STAT4: variants seen among roughly 807,000 people sequenced by gnomAD.
STAT4 encodes the protein signal transducer and activator of transcription 4.
In STAT4, 42 loss-of-function variants were observed where a neutral mutation model predicts 110.5. That is an observed-to-expected ratio of 0.38 (90% CI 0.30 to 0.49). The LOEUF (loss-of-function observed/expected upper bound fraction) is 0.49, where lower values mean the gene tolerates loss of function less well. STAT4 is among the 20% of genes least tolerant of loss of function. The probability of loss-of-function intolerance (pLI) is 0.95; values close to 1 mark genes in which losing one functional copy is unlikely to be tolerated. For missense variants in STAT4, 632 were observed against 887.9 expected, an observed-to-expected ratio of 0.71 and a Z score of 3.66; for synonymous variants, 284 against 302.2, an observed-to-expected ratio of 0.94 and a Z score of 0.63.
rs887644272 is a variant in STAT4 at position 191,066,690 on chromosome 2, C to T, written c.545-175G>A. Among the ~76,000 whole-genome samples the T allele has an allele frequency of 4.6e-5, 7 of 152,186 alleles. No individual in the cohort carries two copies. The highest frequency in any genetic ancestry group is 1.9e-4 in the East Asian group (1 of 5,202). On this transcript the variant is annotated intron_variant, in intron 6 of 23. Transcript: ENST00000392320. The surrounding 1 kb of genome is among the most constrained non-coding windows in gnomAD (Gnocchi z 4.3). ...CTGCTCATTTTGCCAGGGAGAATCA[C>T]ATCCAAGCATGCAAAAAAGGACCTC...
intron 5 of STAT4, among the ~76,000 whole-genome samples, chr2:191,072,659 A>T (rs1697199638): frequency 6.6e-6 from 1 of 152,222 alleles, no homozygotes; most frequent in Non-Finnish European, 1.5e-5. Flanking sequence ...TCTTCACTAG[A>T]TCAATAAAAT....
At position 191,144,164 on chromosome 2, in the gene STAT4, C is replaced by T. The variant is rs1419971522; in HGVS notation, c.273+2449G>A. ...GAGGGGGGTCAGAAAAGGAGATCAG[C>T]CTTTTACCCTCAAGGACCTTGTGAC... On this transcript the variant is annotated intron_variant, in intron 3 of 23. Coordinates refer to ENST00000392320, the MANE Select transcript of STAT4 (RefSeq NM_003151.4). The surrounding 1 kb of genome is among the most constrained non-coding windows in gnomAD (Gnocchi z 4.7). 6.6e-6 allele frequency among the ~76,000 whole-genome samples: 1 copy of T among 152,018 alleles called. No individual in the cohort carries two copies. The highest frequency in any genetic ancestry group is 1.5e-5 in the Non-Finnish European group (1 of 68,012).
chr2:191,033,311 C>T lies in STAT4; in HGVS notation c.1853-162G>A, dbSNP rs1226430317. 6.6e-6 allele frequency among the ~76,000 whole-genome samples: 1 copy of T among 152,144 alleles called. No individual in the cohort carries two copies. Among genetic ancestry groups the T allele is most frequent in the East Asian group, 1.9e-4 (1 of 5,194 alleles). On this transcript the variant is annotated intron_variant, in intron 20 of 23. Transcript: ENST00000392320. The surrounding 1 kb of genome is among the most constrained non-coding windows in gnomAD (Gnocchi z 6.9). ...GTCTGGACAGTATAGATTGTGCATA[C>T]GATAGACTTTTTGGAATTCATAGGT...
intron 3 of STAT4, among the ~76,000 whole-genome samples, chr2:191,121,247 G>A (rs973480141): frequency 1.4e-4 from 22 of 152,154 alleles, no homozygotes; most frequent in African/African-American, 5.3e-4. Flanking sequence ...AGTTAGAATG[G>A]CAATCATTAA....
In STAT4 at chr2:191,126,532, C is replaced by T. The variant is rs191677825; in HGVS notation, c.273+20081G>A. On this transcript the variant is annotated intron_variant, in intron 3 of 23. Coordinates refer to ENST00000392320, the MANE Select transcript of STAT4 (RefSeq NM_003151.4). ...AACACCTTCATGTCGTCTTTCTCTA[C>T]CAGCATCTGTATCTCCCCACCCACT... Among the ~76,000 whole-genome samples, 63 of 152,330 alleles carry T rather than the reference C, an allele frequency of 4.1e-4. 1 individual carries two copies. The highest frequency in any genetic ancestry group is 2.7e-3 in the South Asian group (13 of 4,826).
Position 191,039,104 on chromosome 2 carries a change from C to G in STAT4, c.1434+95G>C. ...AAATAAAGCAACTCTCACCCCACAC[C>G]CCACTGGCACACACATGTTTTGATG... On this transcript the variant is annotated intron_variant, in intron 16 of 23. Transcript: ENST00000392320. This position sits in a 1 kb window ranked among gnomAD's most constrained non-coding sequence, Gnocchi z 4.7. 9.2e-7 allele frequency: 1 copy of G among 1,082,404 alleles called. No homozygotes were observed. The highest frequency in any genetic ancestry group is 1.4e-6 in the Non-Finnish European group (1 of 701,300). 67.0% of individuals were successfully genotyped at this position (1,082,404 alleles called of 1,614,324 possible). A position where few individuals can be genotyped will look rare whatever the true frequency, so the allele number is the denominator to read the frequency against.
In STAT4 at chr2:191,104,541, A is replaced by C. The variant is rs1698225629; in HGVS notation, c.274-28216T>G. The stretch of plus-strand genomic sequence containing the variant: ...AAATTTGAAGATTTAATAGACCAGA[A>C]AACTGCCATAGAAGTCTTTGAAGCT... On this transcript the variant is annotated intron_variant, in intron 3 of 23. Coordinates refer to ENST00000392320, the MANE Select transcript of STAT4 (RefSeq NM_003151.4). This position sits in a 1 kb window ranked among gnomAD's most constrained non-coding sequence, Gnocchi z 4.3. Among the ~76,000 whole-genome samples the C allele has an allele frequency of 6.6e-6, 1 of 152,220 alleles. No individual in the cohort carries two copies. Among genetic ancestry groups the C allele is most frequent in the Non-Finnish European group, 1.5e-5 (1 of 68,036 alleles).
At chr2:191,054,361 C>A (rs1696615217) in intron 14 of STAT4, 129 bp downstream of exon 14, 2 of 761,354 alleles carry the variant, frequency 2.6e-6, no homozygotes, top group East Asian at 2.6e-5. Flanking sequence ...AATTATCAAG[C>A]TTTACATCTA....
chr2:191,084,681 TA>T (rs947042994), intron 3 of STAT4, among the ~76,000 whole-genome samples: 1 of 152,024 alleles, frequency 6.6e-6, no homozygotes, highest in Non-Finnish European at 1.5e-5. Context: ...ATTAATCTTA[TA>T]AAAAAATTCT....
At position 191,143,547 on chromosome 2, in the gene STAT4, T is replaced by C. The variant is rs896221086; in HGVS notation, c.273+3066A>G. On this transcript the variant is annotated intron_variant, in intron 3 of 23. Coordinates refer to ENST00000392320, the MANE Select transcript of STAT4 (RefSeq NM_003151.4). This position sits in a 1 kb window ranked among gnomAD's most constrained non-coding sequence, Gnocchi z 5.6. Reference sequence around the variant, plus strand: ...GAAACTGGTTTTGTTTTGTCCTTTATAGCAAGCCATTCCAAACTGTTATTG... The same window carrying C: ...GAAACTGGTTTTGTTTTGTCCTTTACAGCAAGCCATTCCAAACTGTTATTG... 1.4e-4 allele frequency among the ~76,000 whole-genome samples: 22 copies of C among 152,320 alleles called. No individual in the cohort carries two copies. Among genetic ancestry groups the C allele is most frequent in the African/African-American group, 5.0e-4 (21 of 41,590 alleles).
chr2:191,146,599 G>A lies in STAT4; in HGVS notation c.273+14C>T, dbSNP rs374844876. 155 of 1,479,320 alleles carry A rather than the reference G, an allele frequency of 1.0e-4. No individual in the cohort carries two copies. Among genetic ancestry groups the A allele is most frequent in the Non-Finnish European group, 1.3e-4 (150 of 1,113,016 alleles). 91.6% of individuals were successfully genotyped at this position (1,479,320 alleles called of 1,614,324 possible). On this transcript the variant is annotated intron_variant, in intron 3 of 23. Coordinates refer to ENST00000392320, the MANE Select transcript of STAT4 (RefSeq NM_003151.4). This position sits in a 1 kb window ranked among gnomAD's most constrained non-coding sequence, Gnocchi z 4.5. ...TATATCCAAATATTTTGGAAAAGTA[G>A]AATGCATTCTTACCTGAAGGACCTT...
chr2:191,063,353 CAT>C (rs1696900305), intron 8 of STAT4, among the ~76,000 whole-genome samples: 4 of 152,156 alleles, frequency 2.6e-5, no homozygotes. Flanking sequence ...GAAAGAAAAA[CAT>C]ATGTAACCGA....
At chr2:191,057,435 C>T (rs946635671) in intron 13 of STAT4, among the ~76,000 whole-genome samples, 3 of 152,176 alleles carry the variant, frequency 2.0e-5, no homozygotes, top group African/African-American at 7.2e-5. Context: ...GCAAAATATA[C>T]TGACCAACTA....
At position 191,086,765 on chromosome 2, in the gene STAT4, G is replaced by A. The variant is rs1227227633; in HGVS notation, c.274-10440C>T. On this transcript the variant is annotated intron_variant, in intron 3 of 23. Transcript: ENST00000392320. This position sits in a 1 kb window ranked among gnomAD's most constrained non-coding sequence, Gnocchi z 5.5. The stretch of plus-strand genomic sequence containing the variant: ...TTTTTTTCTCCCATGTTTCTGACTT[G>A]AAATTGCTAGAAATTAGAACTGCTT... 1.3e-5 allele frequency among the ~76,000 whole-genome samples: 2 copies of A among 152,028 alleles called. No individual in the cohort carries two copies. The highest frequency in any genetic ancestry group is 2.9e-5 in the Non-Finnish European group (2 of 68,000).
chr2:191,094,163 C>T (rs1393474091), intron 3 of STAT4, among the ~76,000 whole-genome samples: 1 of 152,202 alleles, frequency 6.6e-6, no homozygotes, highest in Non-Finnish European at 1.5e-5. Context: ...GGAAAACACT[C>T]TTCAGGATAT....
At chr2:191,096,359 G>A (rs183088405) in intron 3 of STAT4, among the ~76,000 whole-genome samples, 99 of 152,180 alleles carry the variant, frequency 6.5e-4, no homozygotes, top group African/African-American at 2.2e-3. Context: ...ACATTGATGC[G>A]AAAATCCTCA....
chr2:191,073,319 T>A (rs1432923225), intron 4 of STAT4, 129 bp from the exon 5 acceptor site: 1 of 694,218 alleles, frequency 1.4e-6, no homozygotes, highest in Non-Finnish European at 2.4e-6. Context: ...CATTAAAAAA[T>A]CATGCTGTAA....
intron 15 of STAT4, among the ~76,000 whole-genome samples, chr2:191,040,497 G>A (rs1226063731): frequency 6.6e-6 from 1 of 152,038 alleles, no homozygotes; most frequent in African/African-American, 2.4e-5. Flanking sequence ...AAGAACTTGA[G>A]CAACAAATTA....
intron 6 of STAT4, chr2:191,068,010 A>T (rs1284043582): frequency 3.9e-5 from 6 of 152,202 alleles, no homozygotes; most frequent in African/African-American, 1.4e-4. Context: ...CATACATAGC[A>T]AAATCTTGTT....
Sources: gnomAD v4.1 joint callset for allele counts (sites outside exome capture counted in the v4.1 genomes callset) on GRCh38, gnomAD v4.1.1 for gene constraint, Gnocchi (gnomAD v3.1) non-coding constraint, MANE v1.5 for transcripts, NCBI Gene and HGNC (gene_info 2026-07-23, HGNC 2026-07-21) for gene names.